MYO1E: variants seen among roughly 807,000 people sequenced by gnomAD.
The protein encoded by MYO1E is unconventional myosin-Ie.
In MYO1E, 68 loss-of-function variants were observed where a neutral mutation model predicts 151.1. The ratio of observed to expected loss-of-function variants is 0.45; its 90% CI spans 0.37 to 0.55. The LOEUF (loss-of-function observed/expected upper bound fraction) is 0.55. Among genes scored for constraint, MYO1E ranks in the 20% least tolerant of loss-of-function variants. MYO1E has a pLI of 0.00. For synonymous variants in MYO1E, 601 were observed against 501.7 expected (o/e 1.20, Z -2.64); for missense variants, 1,363 against 1,389.3 (o/e 0.98, Z 0.30).
intron 1 of MYO1E, among the ~76,000 whole-genome samples, chr15:59,349,647 T>C (rs974983531): frequency 1.2e-4 from 19 of 152,180 alleles, no homozygotes; most frequent in African/African-American, 4.6e-4. Context: ...TTCTACATGA[T>C]GATGATATAA....
intron 14 of MYO1E, 65 bp downstream of exon 14, chr15:59,208,616 G>A (rs544328140): frequency 1.9e-6 from 3 of 1,578,428 alleles, no homozygotes; most frequent in Non-Finnish European, 8.7e-7. Flanking sequence ...TTTGCTTCAT[G>A]AGAAACCAGA....
At chr15:59,299,506 TA>T (rs1464337335) in intron 1 of MYO1E, among the ~76,000 whole-genome samples, 8 of 152,314 alleles carry the variant, frequency 5.3e-5, no homozygotes, top group Admixed American at 1.3e-4. Context: ...GATGATGTTT[TA>T]AAAAGATACA....
At chr15:59,257,716 C>A (rs2080201791) in intron 3 of MYO1E, among the ~76,000 whole-genome samples, 1 of 151,988 alleles carries the variant, frequency 6.6e-6, no homozygotes, top group African/African-American at 2.4e-5. Context: ...AGGCAGGGGG[C>A]TCATAGGGGG....
chr15:59,209,394 C>G (rs1473802446), intron 13 of MYO1E, among the ~76,000 whole-genome samples: 1 of 152,100 alleles, frequency 6.6e-6, no homozygotes, highest in East Asian at 1.9e-4. Context: ...ACTAAGTTGT[C>G]TGGCCGGGCA....
At chr15:59,289,711 C>T (rs557500264) in intron 1 of MYO1E, among the ~76,000 whole-genome samples, 2 of 152,320 alleles carry the variant, frequency 1.3e-5, no homozygotes, top group African/African-American at 4.8e-5. Context: ...AGTTAGAGAT[C>T]TCTGGCTGTA....
chr15:59,238,699 G>C (rs1298337386), intron 4 of MYO1E, among the ~76,000 whole-genome samples: 1 of 151,898 alleles, frequency 6.6e-6, no homozygotes, highest in Non-Finnish European at 1.5e-5. Context: ...AGCCTCCCAA[G>C]TATCTGGGAT....
chr15:59,190,650 T>C (rs2079727227), intron 17 of MYO1E, among the ~76,000 whole-genome samples: 1 of 152,222 alleles, frequency 6.6e-6, no homozygotes, highest in Non-Finnish European at 1.5e-5. Flanking sequence ...CCTGCCACGA[T>C]GCAACTTCTC....
chr15:59,328,977 T>C (rs1430160540), intron 1 of MYO1E, among the ~76,000 whole-genome samples: 3 of 152,174 alleles, frequency 2.0e-5, no homozygotes, highest in African/African-American at 4.8e-5. Flanking sequence ...GGGTTAGAAT[T>C]TGAACTCAGC....
At chr15:59,236,265 C>G (rs2140357699) in intron 5 of MYO1E, among the ~76,000 whole-genome samples, 3 of 151,682 alleles carry the variant, frequency 2.0e-5, no homozygotes, top group Admixed American at 2.0e-4. Flanking sequence ...ATCTCTTGAA[C>G]CCGGGAGGCA....
intron 16 of MYO1E, among the ~76,000 whole-genome samples, chr15:59,199,719 C>T (rs1198901738): frequency 6.6e-6 from 1 of 152,148 alleles, no homozygotes; most frequent in Admixed American, 6.5e-5. Flanking sequence ...AAATCTATAA[C>T]ACTACGATGA....
chr15:59,236,637 T>C lies in MYO1E; in HGVS notation c.368A>G (p.Lys123Arg), dbSNP rs1482305657. The change falls in exon 5 of 28, where the codon AAA becomes AGA. Residue 123 changes from lysine (K) to arginine (R), a missense_variant. Transcript: ENST00000288235. ...ESGAGKTVAA[K>R]YIMSYISRVS... ...TCTGGAGATGTAGCTCATGATATAT[T>C]TGGCAGCCACTGTTTTTCCAGCACC... The C allele has an allele frequency of 3.1e-6, 5 of 1,614,030 alleles. No homozygotes were observed. Among genetic ancestry groups the C allele is most frequent in the Admixed American group, 1.7e-5 (1 of 60,014 alleles).
chr15:59,237,794 C>CA (rs1178835946), intron 4 of MYO1E, among the ~76,000 whole-genome samples: 1 of 152,114 alleles, frequency 6.6e-6, no homozygotes, highest in Non-Finnish European at 1.5e-5. Context: ...CTCCTATTCC[C>CA]AAAAGGAAAC....
intron 16 of MYO1E, among the ~76,000 whole-genome samples, chr15:59,201,401 ATTT>A (rs35807865): frequency 2.8e-4 from 32 of 113,180 alleles, no homozygotes; most frequent in Admixed American, 5.6e-4. Flanking sequence ...GCTGACACAG[ATTT>A]TTTTTTTTTT....
chr15:59,324,989 TC>T (rs1230429430), intron 1 of MYO1E, among the ~76,000 whole-genome samples: 1 of 150,964 alleles, frequency 6.6e-6, no homozygotes, highest in Non-Finnish European at 1.5e-5. Flanking sequence ...AGAACTATCT[TC>T]CCTTCAGTAG....
rs35360737 is a variant in MYO1E, at chr15:59,340,378, CTT to C, written c.3+32118_3+32119del. ...AATAAGGCAAACTTTTCACATTAAC[CTT>C]TTTTTTTTTGAGGTTCTATTTCCGT... On this transcript the variant is annotated intron_variant, in intron 1 of 27. Transcript: ENST00000288235. Among the ~76,000 whole-genome samples, 23 of 147,794 alleles carry C rather than the reference CTT, an allele frequency of 1.6e-4. No individual in the cohort carries two copies. The East Asian group carries it at 1.6e-3, about 10-fold the overall frequency.
chr15:59,325,170 T>G (rs1441212224), intron 1 of MYO1E, among the ~76,000 whole-genome samples: 1 of 152,054 alleles, frequency 6.6e-6, no homozygotes, highest in Non-Finnish European at 1.5e-5. Context: ...CGAGGAGCTG[T>G]GACTACAGGC....
chr15:59,346,534 A>G (rs908408394), intron 1 of MYO1E, among the ~76,000 whole-genome samples: 2 of 152,320 alleles, frequency 1.3e-5, no homozygotes, highest in South Asian at 4.2e-4. Flanking sequence ...TATAAGAACT[A>G]TGGATAAAAT....
At chr15:59,142,437 C>T (rs1291344768) in intron 26 of MYO1E, among the ~76,000 whole-genome samples, 1 of 152,182 alleles carries the variant, frequency 6.6e-6, no homozygotes, top group Non-Finnish European at 1.5e-5. Context: ...AGAGGTAAGA[C>T]CCTCCCTGCC....
chr15:59,202,064 C>T (rs1350316806), intron 16 of MYO1E, among the ~76,000 whole-genome samples: 1 of 152,192 alleles, frequency 6.6e-6, no homozygotes, highest in Non-Finnish European at 1.5e-5. Context: ...AAAGCCATTT[C>T]CTCTTAGAAA....
Sources: allele counts gnomAD v4.1 joint callset (sites outside exome capture counted in the v4.1 genomes callset), GRCh38; gene constraint gnomAD v4.1.1; transcripts MANE v1.5; gene names NCBI Gene and HGNC (gene_info 2026-07-23, HGNC 2026-07-21).